Variants in IQCM observed in about 807,000 individuals in gnomAD.
IQCM encodes IQ domain-containing protein M.
A neutral mutation model predicts 57.6 loss-of-function variants in IQCM; 45 were observed. The ratio of observed to expected loss-of-function variants is 0.78; its 90% CI spans 0.62 to 1.00. IQCM has a LOEUF of 1.00. IQCM is among the 50% of genes least tolerant of loss of function. IQCM has a pLI of 0.00. For missense variants in IQCM, 468 were observed against 511.6 expected, an observed-to-expected ratio of 0.91 and a Z score of 0.82; for synonymous variants, 148 against 158.9, an observed-to-expected ratio of 0.93 and a Z score of 0.51.
intron 13 of IQCM, among the ~76,000 whole-genome samples, chr4:149,358,058 G>A (rs566485076): frequency 1.3e-5 from 2 of 152,210 alleles, no homozygotes; most frequent in South Asian, 4.2e-4. Context: ...ATTCTCTGAT[G>A]GTAGTTTGTA....
intron 12 of IQCM, among the ~76,000 whole-genome samples, chr4:149,509,802 T>C (rs548766774): frequency 6.6e-6 from 1 of 152,262 alleles, no homozygotes; most frequent in South Asian, 2.1e-4. Flanking sequence ...TAAAATACTC[T>C]GGAAAGCCTC....
At chr4:149,673,277 A>C (rs1023981927) in intron 7 of IQCM, among the ~76,000 whole-genome samples, 6 of 152,190 alleles carry the variant, frequency 3.9e-5, no homozygotes, top group African/African-American at 1.4e-4. Context: ...TAACAATATT[A>C]ACCTTAAATG....
intron 9 of IQCM, among the ~76,000 whole-genome samples, chr4:149,568,247 G>A (rs1218552578): frequency 6.6e-6 from 1 of 152,102 alleles, no homozygotes; most frequent in South Asian, 2.1e-4. Context: ...GGCCTTTGCT[G>A]GGAGAGACGT....
intron 9 of IQCM, among the ~76,000 whole-genome samples, chr4:149,583,350 A>G (rs1752379746): frequency 6.6e-6 from 1 of 151,672 alleles, no homozygotes; most frequent in Admixed American, 6.6e-5. Context: ...TACTAAAAAT[A>G]TGAAAGGCTG....
intron 7 of IQCM, among the ~76,000 whole-genome samples, chr4:149,678,303 A>T (rs1207233247): frequency 6.6e-6 from 1 of 151,880 alleles, no homozygotes; most frequent in East Asian, 1.9e-4. Flanking sequence ...CAAATAACAT[A>T]AAAAAGCTCC....
chr4:149,639,086 G>C (rs1404195652), intron 7 of IQCM, among the ~76,000 whole-genome samples: 2 of 152,202 alleles, frequency 1.3e-5, no homozygotes, highest in African/African-American at 2.4e-5. Context: ...TGAAAGGCAC[G>C]TTTGAGATCT....
At chr4:149,422,809 A>T (rs537515958) in intron 13 of IQCM, among the ~76,000 whole-genome samples, 1 of 152,192 alleles carries the variant, frequency 6.6e-6, no homozygotes, top group South Asian at 2.1e-4. Context: ...GGAAGTTGGC[A>T]TAATATCCCA....
At chr4:149,706,589 T>A (rs1764176420) in intron 5 of IQCM, among the ~76,000 whole-genome samples, 1 of 152,006 alleles carries the variant, frequency 6.6e-6, no homozygotes, top group South Asian at 2.1e-4. Context: ...GATAGCTAAG[T>A]ATTATCTTGT....
At chr4:149,353,935 G>A (rs930597641) in intron 13 of IQCM, among the ~76,000 whole-genome samples, 4 of 152,028 alleles carry the variant, frequency 2.6e-5, no homozygotes, top group African/African-American at 7.2e-5. Flanking sequence ...TGCTCTTGTC[G>A]CAAAAACAAA....
At chr4:149,653,883 T>C (rs1759411320) in intron 7 of IQCM, among the ~76,000 whole-genome samples, 1 of 152,092 alleles carries the variant, frequency 6.6e-6, no homozygotes, top group African/African-American at 2.4e-5. Context: ...TTCTACTCAA[T>C]TGTAACTGGG....
At chr4:149,534,359 CT>C (rs1466206345) in intron 12 of IQCM, among the ~76,000 whole-genome samples, 1 of 151,954 alleles carries the variant, frequency 6.6e-6, no homozygotes, top group Non-Finnish European at 1.5e-5. Context: ...TGATATCTGC[CT>C]TTATTATAGG....
chr4:149,412,313 T>C (rs905413504), intron 13 of IQCM, among the ~76,000 whole-genome samples: 1 of 152,158 alleles, frequency 6.6e-6, no homozygotes, highest in Non-Finnish European at 1.5e-5. Flanking sequence ...TTTTCTTCCC[T>C]ACAGTACTTA....
intron 13 of IQCM, among the ~76,000 whole-genome samples, chr4:149,404,120 C>T (rs996166864): frequency 6.6e-6 from 1 of 151,982 alleles, no homozygotes; most frequent in African/African-American, 2.4e-5. Flanking sequence ...AAAGAACTCT[C>T]ACCTCTTGGG....
intron 13 of IQCM, among the ~76,000 whole-genome samples, chr4:149,432,699 C>G (rs777856427): frequency 6.6e-6 from 1 of 151,834 alleles, no homozygotes; most frequent in Non-Finnish European, 1.5e-5. Context: ...AAAGGACAAA[C>G]TATACACTGG....
chr4:149,680,205 A>G (rs1436632206), intron 7 of IQCM, among the ~76,000 whole-genome samples: 1 of 151,482 alleles, frequency 6.6e-6, no homozygotes, highest in African/African-American at 2.4e-5. Flanking sequence ...GCATTTGGAA[A>G]GAATGATTTT....
At chr4:149,377,287 CA>C (rs1172479419) in intron 13 of IQCM, among the ~76,000 whole-genome samples, 1 of 152,094 alleles carries the variant, frequency 6.6e-6, no homozygotes, top group Non-Finnish European at 1.5e-5. Flanking sequence ...ATTTTCAATT[CA>C]AGACATAAAG....
intron 11 of IQCM, among the ~76,000 whole-genome samples, chr4:149,552,490 A>G (rs1749136761): frequency 6.6e-6 from 1 of 152,196 alleles, no homozygotes; most frequent in Non-Finnish European, 1.5e-5. Flanking sequence ...ATAAATTGAG[A>G]TCTCTGAAAA....
In IQCM at chr4:149,735,342, A is replaced by T. The variant is rs1766838655; in HGVS notation, c.120+34T>A. ...AATCCTTGTAGTATGCAAAAATTTTAAAATGTAACATTAGATAAATGCAAA... is the reference window on the plus strand; with the variant it reads ...AATCCTTGTAGTATGCAAAAATTTTTAAATGTAACATTAGATAAATGCAAA... On this transcript the variant is annotated intron_variant, in intron 4 of 13. Coordinates refer to ENST00000636793, the MANE Select transcript of IQCM (RefSeq NM_001363507.2). 8.9e-6 allele frequency: 10 copies of T among 1,124,532 alleles called. No individual in the cohort carries two copies. The South Asian group carries it at 1.4e-4, about 15-fold the overall frequency. 69.7% of individuals were successfully genotyped at this position (1,124,532 alleles called of 1,614,324 possible). A position where few individuals can be genotyped will look rare whatever the true frequency, so the allele number is the denominator to read the frequency against.
At chr4:149,673,453 A>G (rs2150183963) in intron 7 of IQCM, among the ~76,000 whole-genome samples, 1 of 152,252 alleles carries the variant, frequency 6.6e-6, no homozygotes, top group Non-Finnish European at 1.5e-5. Flanking sequence ...GGAAAACAAA[A>G]AAATGCAGGG....
Sources: gnomAD v4.1 joint callset for allele counts (sites outside exome capture counted in the v4.1 genomes callset) on GRCh38, gnomAD v4.1.1 for gene constraint, MANE v1.5 for transcripts, NCBI Gene and HGNC (gene_info 2026-07-23, HGNC 2026-07-21) for gene names.